CD8B: variants seen among roughly 807,000 people sequenced by gnomAD.
The protein encoded by CD8B is T-cell surface glycoprotein CD8 beta chain.
CD8B carries 6 observed loss-of-function variants against 24.2 expected under a neutral mutation model. The ratio of observed to expected loss-of-function variants is 0.25; its 90% confidence interval spans 0.14 to 0.49. The LOEUF is 0.49. Among genes scored for constraint, CD8B ranks in the 20% least tolerant of loss-of-function variants. The pLI is 0.98. For missense variants in CD8B, 196 were observed against 271.3 expected (o/e 0.72, Z 1.95); for synonymous variants, 84 against 108.3 (o/e 0.78, Z 1.39).
rs1447215550 is a variant in CD8B, at chr2:86,842,064, A to G, written c.*243T>C. ...GGCAGCATTTCTTACTCAGTCCTCC[A>G]GCACACTCTGTGAAGTGCCCTGGGG... is the stretch of plus-strand genomic sequence containing the variant. On this transcript the variant is annotated 3_prime_UTR_variant, in exon 6 of 6. Transcript: ENST00000390655. The G allele has an allele frequency of 7.7e-7, 1 of 1,291,974 alleles. No homozygotes were observed. Among genetic ancestry groups the G allele is most frequent in the Non-Finnish European group, 9.9e-7 (1 of 1,015,030 alleles). 80.0% of individuals were successfully genotyped at this position (1,291,974 alleles called of 1,614,324 possible).
rs1423130299 is a variant in CD8B, at chr2:86,838,186, T to C, written c.*4121A>G. ...AGGTTCTTTTTTTCCAAACTTTTAATTGCTTTTTCCCCAACTACAAAAGTA... is the reference window on the plus strand; with the variant it reads ...AGGTTCTTTTTTTCCAAACTTTTAACTGCTTTTTCCCCAACTACAAAAGTA... On this transcript the variant is annotated 3_prime_UTR_variant, in exon 6 of 6. Coordinates refer to ENST00000390655, the MANE Select transcript of CD8B (RefSeq NM_004931.5). Among the ~76,000 whole-genome samples, 1 of 152,240 alleles carries C rather than the reference T, an allele frequency of 6.6e-6. No individual in the cohort carries two copies. The highest frequency in any genetic ancestry group is 1.5e-5 in the Non-Finnish European group (1 of 68,042).
chr2:86,829,101 T>TTTC (rs1674807157), intron 5 of CD8B, among the ~76,000 whole-genome samples: 1 of 138,462 alleles, frequency 7.2e-6, no homozygotes, highest in Admixed American at 7.4e-5. Context: ...TTTACTTTTT[T>TTTC]TTTTTTTTTT....
intron 2 of CD8B, among the ~76,000 whole-genome samples, chr2:86,856,021 G>A (rs190952144): frequency 1.3e-5 from 2 of 152,314 alleles, no homozygotes; most frequent in East Asian, 3.9e-4. Context: ...GCCTGAAAAA[G>A]GCCCTGTCTT....
chr2:86,826,776 C>T (rs1021048150), intron 5 of CD8B, among the ~76,000 whole-genome samples: 3 of 151,440 alleles, frequency 2.0e-5, no homozygotes, highest in Non-Finnish European at 4.4e-5. Context: ...ACAGTGGGCA[C>T]TGGAATTGGC....
At chr2:86,816,721 C>A (rs1224350013) in intron 5 of CD8B, among the ~76,000 whole-genome samples, 1 of 152,060 alleles carries the variant, frequency 6.6e-6, no homozygotes, top group African/African-American at 2.4e-5. Context: ...ATGTATACTC[C>A]AGATAGAATA....
rs953148649 is a variant in CD8B at position 86,839,382 on chromosome 2, G to A, written c.*2925C>T. 2.0e-5 allele frequency among the ~76,000 whole-genome samples: 3 copies of A among 152,230 alleles called. No individual in the cohort carries two copies. Among genetic ancestry groups the A allele is most frequent in the African/African-American group, 7.2e-5 (3 of 41,460 alleles). ...ATCTGATGCGTATTTCTTTGTGCAT[G>A]CCACTTTTTGATGTATTTCTTTCAG... On this transcript the variant is annotated 3_prime_UTR_variant, in exon 6 of 6. Transcript: ENST00000390655.
chr2:86,843,564 G>C (rs1339132396), intron 5 of CD8B: 19 of 982,708 alleles, frequency 1.9e-5, no homozygotes, highest in Non-Finnish European at 2.3e-5. Context: ...AGCCACTCTC[G>C]ATATAAATAT....
chr2:86,817,656 C>T (rs904527369), intron 5 of CD8B, among the ~76,000 whole-genome samples: 2 of 151,934 alleles, frequency 1.3e-5, no homozygotes, highest in African/African-American at 4.8e-5. Flanking sequence ...GGAGGCAGAA[C>T]CCACAAATTT....
intron 5 of CD8B, chr2:86,821,792 C>A: frequency 2.5e-6 from 1 of 396,872 alleles, no homozygotes; most frequent in Admixed American, 2.5e-5. Context: ...CCCCACAAAC[C>A]CCGTCCTCTC....
At chr2:86,843,114 C>CA (rs1248173465) in intron 5 of CD8B, among the ~76,000 whole-genome samples, 1 of 151,734 alleles carries the variant, frequency 6.6e-6, no homozygotes, top group East Asian at 1.9e-4. Flanking sequence ...TTTTTTGAGA[C>CA]AGAGTTTCAC....
intron 3 of CD8B, among the ~76,000 whole-genome samples, chr2:86,851,850 G>A (rs1675991244): frequency 6.6e-6 from 1 of 152,190 alleles, no homozygotes. Flanking sequence ...TGTGTATGTG[G>A]CATACACTCC....
Position 86,841,358 on chromosome 2 carries a change from T to C in CD8B, c.*949A>G, listed in dbSNP as rs554330183. ...GAAATGAACACGTGCTAGTTCAGCTTGGGAGTGGGCTGGGAGAGGGGCCTG... is the reference window on the plus strand; with the variant it reads ...GAAATGAACACGTGCTAGTTCAGCTCGGGAGTGGGCTGGGAGAGGGGCCTG... On this transcript the variant is annotated 3_prime_UTR_variant, in exon 6 of 6. Coordinates refer to ENST00000390655, the MANE Select transcript of CD8B (RefSeq NM_004931.5). Among the ~76,000 whole-genome samples the C allele has an allele frequency of 9.3e-4, 140 of 150,280 alleles. No homozygotes were observed. The highest frequency in any genetic ancestry group is 3.2e-3 in the African/African-American group (132 of 40,872).
In CD8B at chr2:86,838,971, A is replaced by G. The variant is rs975722405; in HGVS notation, c.*3336T>C. ...ACTTTTACTAATGAAACACACTCATATAAGTGATTCCCAGATTGAGAAGCA... is the reference window on the plus strand; with the variant it reads ...ACTTTTACTAATGAAACACACTCATGTAAGTGATTCCCAGATTGAGAAGCA... On this transcript the variant is annotated 3_prime_UTR_variant, in exon 6 of 6. Coordinates refer to ENST00000390655, the MANE Select transcript of CD8B (RefSeq NM_004931.5). Among the ~76,000 whole-genome samples the G allele has an allele frequency of 9.8e-5, 15 of 152,380 alleles. No individual in the cohort carries two copies. Among genetic ancestry groups the G allele is most frequent in the African/African-American group, 3.6e-4 (15 of 41,590 alleles).
chr2:86,834,467 T>TACACACAC (rs59177290), downstream of CD8B, among the ~76,000 whole-genome samples: 215 of 146,736 alleles, frequency 1.5e-3, no homozygotes, highest in Middle Eastern at 7.0e-3. Flanking sequence ...TTTCTTCTCT[T>TACACACAC]ACACACACAC....
chr2:86,852,918 G>A (rs1016916731), intron 3 of CD8B, 79 bp downstream of exon 3: 35 of 1,395,378 alleles, frequency 2.5e-5, no homozygotes, highest in Non-Finnish European at 3.3e-5. Context: ...AAAGTGCCTG[G>A]GGAAGGAAGG....
Position 86,839,170 on chromosome 2 carries a change from A to T in CD8B, c.*3137T>A, listed in dbSNP as rs559104706. On this transcript the variant is annotated 3_prime_UTR_variant, in exon 6 of 6. Coordinates refer to ENST00000390655, the MANE Select transcript of CD8B (RefSeq NM_004931.5). ...ATTGTATTAAGAATAATCTATACAG[A>T]TGTTTTAAAAATATATGCATTTGTC... is the stretch of plus-strand genomic sequence containing the variant. Among the ~76,000 whole-genome samples, 1 of 152,352 alleles carries T rather than the reference A, an allele frequency of 6.6e-6. No individual in the cohort carries two copies. Among genetic ancestry groups the T allele is most frequent in the Non-Finnish European group, 1.5e-5 (1 of 68,036 alleles).
At chr2:86,850,403 C>T (rs1185943556) in intron 3 of CD8B, among the ~76,000 whole-genome samples, 2 of 152,126 alleles carry the variant, frequency 1.3e-5, no homozygotes, top group South Asian at 2.1e-4. Context: ...TTCTCAGTGA[C>T]CCCATGGGTT....
intron 5 of CD8B, among the ~76,000 whole-genome samples, chr2:86,843,143 A>T (rs1675515323): frequency 6.6e-6 from 1 of 152,090 alleles, no homozygotes; most frequent in South Asian, 2.1e-4. Flanking sequence ...CCCAGGCTGC[A>T]GCGGAATGGT....
chr2:86,834,467 T>TACACACACACACACACACACACACAC (rs59177290), downstream of CD8B, among the ~76,000 whole-genome samples: 434 of 146,738 alleles, frequency 3.0e-3, 1 homozygote, highest in African/African-American at 7.0e-3. Flanking sequence ...TTTCTTCTCT[T>TACACACACACACACACACACACACAC]ACACACACAC....
Sources: gnomAD v4.1 joint callset for allele counts (sites outside exome capture counted in the v4.1 genomes callset) on GRCh38, gnomAD v4.1.1 for gene constraint, MANE v1.5 for transcripts, NCBI Gene and HGNC (gene_info 2026-07-23, HGNC 2026-07-21) for gene names.